Variants in THSD4 observed in about 807,000 individuals in gnomAD.
The protein encoded by THSD4 is thrombospondin type-1 domain-containing protein 4.
A neutral mutation model predicts 119.0 loss-of-function variants in THSD4; 69 were observed. That is an observed-to-expected ratio of 0.58 (90% CI 0.48 to 0.71). The LOEUF (loss-of-function observed/expected upper bound fraction) is 0.71, where lower values mean the gene tolerates loss of function less well. Among genes scored for constraint, THSD4 ranks in the 30% least tolerant of loss-of-function variants. The pLI, the probability that THSD4 is intolerant of heterozygous loss-of-function variation, is 0.00. For missense variants in THSD4, 1,393 were observed against 1,391.1 expected (o/e 1.00, Z -0.02); for synonymous variants, 524 against 540.4 (o/e 0.97, Z 0.42).
At chr15:71,474,033 C>T (rs1239828745) in intron 7 of THSD4, among the ~76,000 whole-genome samples, 2 of 152,084 alleles carry the variant, frequency 1.3e-5, no homozygotes, top group Non-Finnish European at 2.9e-5. Flanking sequence ...GTCAGGTATA[C>T]CTGGAACCCT....
intron 7 of THSD4, among the ~76,000 whole-genome samples, chr15:71,450,525 G>A (rs550386505): frequency 6.6e-6 from 1 of 152,230 alleles, no homozygotes; most frequent in South Asian, 2.1e-4. Context: ...TGCTCTCCAG[G>A]TTTCAGTTTT....
At chr15:71,642,346 T>C (rs1489786900) in intron 7 of THSD4, among the ~76,000 whole-genome samples, 1 of 152,156 alleles carries the variant, frequency 6.6e-6, no homozygotes, top group African/African-American at 2.4e-5. Context: ...TTTTACACTG[T>C]TGGTGGGACT....
intron 7 of THSD4, among the ~76,000 whole-genome samples, chr15:71,504,502 ATAAT>A (rs1198859257): frequency 2.0e-5 from 3 of 152,254 alleles, no homozygotes; most frequent in African/African-American, 4.8e-5. Context: ...AGTATTACAA[ATAAT>A]TAGAGAAGGT....
At chr15:71,256,741 T>C (rs2044322289) in intron 6 of THSD4, 26 bp downstream of exon 6, 1 of 1,592,144 alleles carries the variant, frequency 6.3e-7, no homozygotes, top group African/African-American at 1.3e-5. Context: ...GCCCTGTCCA[T>C]AGAAGTTACT....
At chr15:71,525,811 G>T (rs1454111650) in intron 7 of THSD4, among the ~76,000 whole-genome samples, 2 of 152,102 alleles carry the variant, frequency 1.3e-5, no homozygotes. Context: ...GAAAATCATG[G>T]TCCTTGGTGA....
At chr15:71,144,806 T>C (rs959276155) in intron 2 of THSD4, among the ~76,000 whole-genome samples, 2 of 152,228 alleles carry the variant, frequency 1.3e-5, no homozygotes, top group African/African-American at 4.8e-5. Flanking sequence ...TAACTCTCGA[T>C]GGATCTGGTT....
intron 7 of THSD4, among the ~76,000 whole-genome samples, chr15:71,465,490 T>A (rs1291922134): frequency 6.6e-6 from 1 of 152,218 alleles, no homozygotes; most frequent in Non-Finnish European, 1.5e-5. Context: ...ATTGATAGAT[T>A]TATGCTTTAT....
rs533773261 is a variant in THSD4 at position 71,159,075 on chromosome 15, A to C, written c.99+4143A>C. On this transcript the variant is annotated intron_variant, in intron 3 of 17. Coordinates refer to ENST00000261862, the MANE Select transcript of THSD4 (RefSeq NM_024817.3). The stretch of plus-strand genomic sequence containing the variant: ...GTTTTCCCAGCATTATTTATTGAAG[A>C]GATTGTCTTTTCCTCAATATGTGTT... 1.4e-4 allele frequency among the ~76,000 whole-genome samples: 21 copies of C among 152,216 alleles called. No homozygotes were observed. The East Asian group carries it at 3.9e-3, about 28-fold the overall frequency.
intron 2 of THSD4, chr15:71,147,774 G>T (rs1008033916): frequency 6.6e-6 from 1 of 152,046 alleles, no homozygotes; most frequent in African/African-American, 2.4e-5. Flanking sequence ...GGCTAGGCTG[G>T]GCAACATGAT....
rs548491338 is a variant in THSD4 at position 71,372,087 on chromosome 15, TG to T, written c.1016-39599del. ...TGATCGAATTGGTTACTGAAGCTTG[TG>T]CATTCGTCACGTAGTTCTTGTGCCA... On this transcript the variant is annotated intron_variant, in intron 6 of 17. Transcript: ENST00000261862. Among the ~76,000 whole-genome samples the T allele has an allele frequency of 6.6e-4, 100 of 152,398 alleles. 1 individual carries two copies. Among genetic ancestry groups the T allele is most frequent in the African/African-American group, 2.3e-3 (95 of 41,606 alleles).
chr15:71,577,120 TTAAG>T lies in THSD4; in HGVS notation c.1153-83407_1153-83404del, dbSNP rs57197667. On this transcript the variant is annotated intron_variant, in intron 7 of 17. Transcript: ENST00000261862. ...AAAAAAAAAAACCTTTAGTACTTTA[TTAAG>T]TATTTCTCATATTCAAAATTATCTC... Among the ~76,000 whole-genome samples, 1,413 of 152,128 alleles carry T rather than the reference TTAAG, an allele frequency of 9.3e-3. 22 individuals carry two copies. The highest frequency in any genetic ancestry group is 0.032 in the African/African-American group (1,337 of 41,502).
At chr15:71,324,365 A>AT (rs2140364302) in intron 6 of THSD4, among the ~76,000 whole-genome samples, 1 of 152,236 alleles carries the variant, frequency 6.6e-6, no homozygotes, top group Admixed American at 6.5e-5. Flanking sequence ...ACACAGATGA[A>AT]TTGTAGAGTG....
intron 13 of THSD4, among the ~76,000 whole-genome samples, 182 bp from the exon 14 acceptor site, chr15:71,748,239 A>G (rs181704025): frequency 6.6e-6 from 1 of 152,230 alleles, no homozygotes; most frequent in East Asian, 1.9e-4. Flanking sequence ...GGCATCTAAG[A>G]AGGTCTTGTA....
intron 7 of THSD4, among the ~76,000 whole-genome samples, chr15:71,513,844 CA>C (rs943625104): frequency 6.6e-6 from 1 of 152,060 alleles, no homozygotes; most frequent in Non-Finnish European, 1.5e-5. Context: ...TACTCAGCAA[CA>C]AAAAACAAAC....
chr15:71,664,342 C>A (rs1190710030), intron 8 of THSD4, among the ~76,000 whole-genome samples: 6 of 151,902 alleles, frequency 3.9e-5, no homozygotes, highest in African/African-American at 1.5e-4. Flanking sequence ...TCCAGAATTA[C>A]CTTTAGTTAT....
chr15:71,304,520 C>T (rs2044996376), intron 6 of THSD4, among the ~76,000 whole-genome samples: 1 of 152,054 alleles, frequency 6.6e-6, no homozygotes, highest in East Asian at 1.9e-4. Flanking sequence ...AATTTTCAGT[C>T]TTATTAAAAT....
intron 3 of THSD4, among the ~76,000 whole-genome samples, chr15:71,213,706 G>A (rs2043906142): frequency 6.6e-6 from 1 of 152,108 alleles, no homozygotes; most frequent in African/African-American, 2.4e-5. Flanking sequence ...GTTAAATGAG[G>A]GTATAGATCA....
intron 6 of THSD4, among the ~76,000 whole-genome samples, chr15:71,354,553 T>G (rs1566951903): frequency 1.3e-5 from 2 of 152,244 alleles, no homozygotes; most frequent in South Asian, 4.1e-4. Flanking sequence ...TTAACATAAA[T>G]TTGTTGAATG....
chr15:71,638,761 G>A (rs1441783574), intron 7 of THSD4, among the ~76,000 whole-genome samples: 1 of 152,208 alleles, frequency 6.6e-6, no homozygotes, highest in Non-Finnish European at 1.5e-5. Context: ...GTTTAAGAAT[G>A]TAAGCAGAAG....
Sources: allele counts gnomAD v4.1 joint callset (sites outside exome capture counted in the v4.1 genomes callset), GRCh38; gene constraint gnomAD v4.1.1; transcripts MANE v1.5; gene names NCBI Gene and HGNC (gene_info 2026-07-23, HGNC 2026-07-21).